RASAL2: variants seen among roughly 807,000 people sequenced by gnomAD.
The protein encoded by RASAL2 is ras GTPase-activating protein nGAP.
RASAL2 carries 58 observed loss-of-function variants against 128.9 expected under a neutral mutation model. The ratio of observed to expected loss-of-function variants is 0.45; its 90% confidence interval spans 0.36 to 0.56. The LOEUF (loss-of-function observed/expected upper bound fraction) is 0.56, where lower values mean the gene tolerates loss of function less well. Ranked by LOEUF, RASAL2 falls within the 20% of genes least tolerant of loss-of-function variation. RASAL2 has a pLI of 0.00. For synonymous variants in RASAL2, 561 were observed against 580.8 expected (o/e 0.97, Z 0.49); for missense variants, 1,360 against 1,601.6 (o/e 0.85, Z 2.57).
chr1:178,406,357 A>G (rs944962898), intron 4 of RASAL2, among the ~76,000 whole-genome samples: 1 of 152,200 alleles, frequency 6.6e-6, no homozygotes, highest in African/African-American at 2.4e-5. Flanking sequence ...TTTATGTGAC[A>G]TTGTGGAAAA....
intron 11 of RASAL2, 109 bp downstream of exon 11, chr1:178,452,761 C>A: frequency 1.2e-6 from 1 of 860,696 alleles, no homozygotes; most frequent in Non-Finnish European, 1.8e-6. Context: ...CAGATTTTCA[C>A]TGTGTTATTA....
At chr1:178,130,571 C>T (rs565550506) in intron 1 of RASAL2, among the ~76,000 whole-genome samples, 1 of 152,266 alleles carries the variant, frequency 6.6e-6, no homozygotes, top group Non-Finnish European at 1.5e-5. Context: ...AATAGTTTAT[C>T]ATACGGGAAA....
chr1:178,197,990 G>T (rs931150560), intron 1 of RASAL2, among the ~76,000 whole-genome samples: 13 of 152,118 alleles, frequency 8.5e-5, no homozygotes, highest in Non-Finnish European at 1.5e-4. Flanking sequence ...CAGAATGATG[G>T]TTTCCAGCTT....
chr1:178,120,609 T>G (rs1299782430), intron 1 of RASAL2, among the ~76,000 whole-genome samples: 2 of 152,246 alleles, frequency 1.3e-5, no homozygotes, highest in African/African-American at 4.8e-5. Context: ...TAATTGTCAC[T>G]TGCCACTTAC....
At position 178,439,569 on chromosome 1, in the gene RASAL2, C is replaced by T; in HGVS notation, c.822C>T (p.Cys274=). The T allele has an allele frequency of 6.2e-7, 1 of 1,607,518 alleles. No homozygotes were observed. Among genetic ancestry groups the T allele is most frequent in the Non-Finnish European group, 8.5e-7 (1 of 1,177,800 alleles). The change falls in exon 6 of 18, where the codon TGC becomes TGT. Residue 274 remains cysteine (C), a synonymous_variant. Transcript: ENST00000367649. ...LHSSILGQDF[C]FEVTYLSGSK... is the part of the protein sequence containing the mutation. ...GTAGCATCCTTGGACAAGACTTCTG[C>T]TTTGAGGTAAAAATAAAGTGTAGAA...
chr1:178,473,008 A>T, intron 17 of RASAL2, 67 bp from the exon 18 acceptor site: 1 of 1,551,792 alleles, frequency 6.4e-7, no homozygotes, highest in South Asian at 1.1e-5. Context: ...TGGACTAGTC[A>T]TTCAGTAAAG....
chr1:178,384,600 A>G (rs941065228), intron 3 of RASAL2, among the ~76,000 whole-genome samples: 6 of 150,884 alleles, frequency 4.0e-5, no homozygotes, highest in African/African-American at 1.2e-4. Context: ...CATGGGAGGT[A>G]TAGGCTGCAA....
At chr1:178,150,973 T>A (rs1367363315) in intron 1 of RASAL2, among the ~76,000 whole-genome samples, 1 of 152,174 alleles carries the variant, frequency 6.6e-6, no homozygotes, top group Non-Finnish European at 1.5e-5. Context: ...CCATATGAAG[T>A]GCTGAAGTGT....
In RASAL2 at chr1:178,442,678, A is replaced by C. The variant is rs1372738216; in HGVS notation, c.931A>C (p.Asn311His). 6.2e-7 allele frequency: 1 copy of C among 1,601,392 alleles called. No individual in the cohort carries two copies. Among genetic ancestry groups the C allele is most frequent in the Non-Finnish European group, 8.5e-7 (1 of 1,173,854 alleles). The change falls in exon 8 of 18, where the codon AAT becomes CAT. Residue 311 changes from asparagine (N) to histidine (H), a missense_variant. Transcript: ENST00000367649. ...LRRTVQPNKD[N>H]CRRAENVLRL... ...CAGCTTTGTTGCCTCTTTATAGGAC[A>C]ATTGCAGGCGAGCTGAAAATGTTCT...
At chr1:178,343,797 A>C (rs1216316097) in intron 3 of RASAL2, among the ~76,000 whole-genome samples, 1 of 151,476 alleles carries the variant, frequency 6.6e-6, no homozygotes, top group Non-Finnish European at 1.5e-5. Flanking sequence ...CCGTGTTAGA[A>C]AAAAAAAACA....
chr1:178,417,968 G>C (rs1250444512), intron 4 of RASAL2, among the ~76,000 whole-genome samples: 2 of 152,054 alleles, frequency 1.3e-5, no homozygotes, highest in Non-Finnish European at 2.9e-5. Context: ...AGCCTGGTTT[G>C]CTAGCTACAT....
intron 3 of RASAL2, among the ~76,000 whole-genome samples, chr1:178,307,599 A>G (rs1668056040): frequency 6.6e-6 from 1 of 152,254 alleles, no homozygotes; most frequent in Non-Finnish European, 1.5e-5. Context: ...ACTTCTTTTA[A>G]AAAAACCAAA....
intron 1 of RASAL2, among the ~76,000 whole-genome samples, chr1:178,112,511 C>T (rs902855011): frequency 1.3e-5 from 2 of 151,760 alleles, no homozygotes; most frequent in Non-Finnish European, 2.9e-5. Flanking sequence ...GATCGCGACA[C>T]TGCACTCCCG....
chr1:178,363,516 C>T (rs981147412), intron 3 of RASAL2, among the ~76,000 whole-genome samples: 2 of 152,046 alleles, frequency 1.3e-5, no homozygotes, highest in South Asian at 2.1e-4. Context: ...TATCCGGTAC[C>T]ACACGTCCAA....
intron 1 of RASAL2, among the ~76,000 whole-genome samples, chr1:178,148,506 T>C (rs1660804796): frequency 1.3e-5 from 2 of 152,182 alleles, no homozygotes; most frequent in African/African-American, 4.8e-5. Context: ...TAGAGTGCAG[T>C]GGTGTGATCT....
At chr1:178,351,646 G>A (rs929399041) in intron 3 of RASAL2, among the ~76,000 whole-genome samples, 6 of 151,372 alleles carry the variant, frequency 4.0e-5, no homozygotes, top group South Asian at 4.2e-4. Context: ...GAAGAGTGGC[G>A]TGAACCCGTG....
At chr1:178,128,392 A>G (rs893398054) in intron 1 of RASAL2, among the ~76,000 whole-genome samples, 6 of 152,140 alleles carry the variant, frequency 3.9e-5, no homozygotes, top group African/African-American at 1.4e-4. Flanking sequence ...TAATAATAGA[A>G]TTCTACTTGT....
At chr1:178,320,484 A>G (rs1221084612) in intron 3 of RASAL2, among the ~76,000 whole-genome samples, 1 of 152,208 alleles carries the variant, frequency 6.6e-6, no homozygotes, top group East Asian at 1.9e-4. Context: ...GGTGTGGGAT[A>G]TAGTCTCGTG....
chr1:178,418,525 C>CT (rs914349870), intron 4 of RASAL2, among the ~76,000 whole-genome samples: 2 of 152,156 alleles, frequency 1.3e-5, no homozygotes, highest in African/African-American at 4.8e-5. Flanking sequence ...AGTTTTTACA[C>CT]TTAACTCCTT....
Sources: gnomAD v4.1 joint callset for allele counts (sites outside exome capture counted in the v4.1 genomes callset) on GRCh38, gnomAD v4.1.1 for gene constraint, MANE v1.5 for transcripts, NCBI Gene and HGNC (gene_info 2026-07-23, HGNC 2026-07-21) for gene names.